The following PCDH15 variants were observed in gnomAD, a reference collection of about 807,000 sequenced individuals.
PCDH15 encodes protocadherin related 15.
In PCDH15, 129 loss-of-function variants were observed where a neutral mutation model predicts 178.5. The observed-to-expected ratio is 0.72, with a 90% CI of 0.63 to 0.84. The LOEUF (loss-of-function observed/expected upper bound fraction) is 0.84. Among genes scored for constraint, PCDH15 ranks in the 40% least tolerant of loss-of-function variants. The pLI, the probability that PCDH15 is intolerant of heterozygous loss-of-function variation, is 0.00. For missense variants in PCDH15, 2,230 were observed against 2,099.9 expected, an observed-to-expected ratio of 1.06 and a Z score of -1.21; for synonymous variants, 800 against 732.0, an observed-to-expected ratio of 1.09 and a Z score of -1.50.
At chr10:55,455,788 G>A (rs1048592020) in intron 2 of PCDH15, among the ~76,000 whole-genome samples, 2 of 152,028 alleles carry the variant, frequency 1.3e-5, no homozygotes, top group East Asian at 3.9e-4. Context: ...TATGTTTATA[G>A]ACAAGGCACC....
intron 2 of PCDH15, among the ~76,000 whole-genome samples, chr10:55,352,233 T>C (rs1272323740): frequency 6.6e-6 from 1 of 152,214 alleles, no homozygotes; most frequent in Non-Finnish European, 1.5e-5. Flanking sequence ...TTTTTGCTAA[T>C]GGCTTATTAC....
At chr10:54,831,589 T>A (rs781048968) in intron 3 of PCDH15, among the ~76,000 whole-genome samples, 1 of 152,108 alleles carries the variant, frequency 6.6e-6, no homozygotes, top group African/African-American at 2.4e-5. Flanking sequence ...GGAAATACAA[T>A]GACTAGTTAA....
Position 53,822,938 on chromosome 10 carries a change from A to C in PCDH15, c.4368-2708T>G, listed in dbSNP as rs200659780. 2.2e-5 allele frequency: 36 copies of C among 1,614,018 alleles called. No individual in the cohort carries two copies. In the African/African-American group the frequency reaches 4.0e-4, roughly 18 times the overall value. On this transcript the variant is annotated intron_variant, in intron 32 of 37. Transcript: ENST00000644397. ...GCCTGGTGCCTTGCCACTGCTGCAG[A>C]TCTATGATCTCTGGTCTATTTGGAA...
At position 53,822,106 on chromosome 10, in the gene PCDH15, C is replaced by T. The variant is rs751570688; in HGVS notation, c.4368-1876G>A. ...ATGCCTTTTGGTTCTCTCTGAGGGT[C>T]TGTTTTACACACTGTCGTTGTTGAT... On this transcript the variant is annotated intron_variant, in intron 32 of 37. Transcript: ENST00000644397. 6.8e-6 allele frequency: 11 copies of T among 1,613,662 alleles called. No homozygotes were observed. In the Admixed American group the frequency reaches 1.2e-4, roughly 17 times the overall value.
Position 55,095,063 on chromosome 10 carries a change from A to G in PCDH15, c.-80+71513T>C, listed in dbSNP as rs141314492. On this transcript the variant is annotated intron_variant, in intron 2 of 5. Coordinates refer to the PCDH15 transcript ENST00000458638. Reference sequence around the variant, plus strand: ...CAGTCTTCCAAGTAGCGGGACCACAAGTGTATGCCACCACGCCTGGCTAAT... The same window carrying G: ...CAGTCTTCCAAGTAGCGGGACCACAGGTGTATGCCACCACGCCTGGCTAAT... Among the ~76,000 whole-genome samples, 704 of 151,846 alleles carry G rather than the reference A, an allele frequency of 4.6e-3. 8 individuals are homozygous for G. The highest frequency in any genetic ancestry group is 0.016 in the African/African-American group (660 of 41,428).
At position 53,825,153 on chromosome 10, in the gene PCDH15, C is replaced by A. The variant is rs761428851; in HGVS notation, c.4367+2240G>T. 3 of 1,537,220 alleles carry A rather than the reference C, an allele frequency of 2.0e-6. No individual in the cohort carries two copies. The East Asian group carries it at 7.2e-5, about 37-fold the overall frequency. ...TTACTTACTTATGCCTATGTATCCA[C>A]AGGTGAGAAACAGAAAACATGTGAT... On this transcript the variant is annotated intron_variant, in intron 32 of 37. Transcript: ENST00000644397.
intron 2 of PCDH15, among the ~76,000 whole-genome samples, chr10:54,902,242 C>G (rs758128050): frequency 2.0e-5 from 3 of 152,114 alleles, no homozygotes; most frequent in Non-Finnish European, 2.9e-5. Context: ...TGTGGATGCA[C>G]GTGTCACTAT....
At chr10:55,323,199 G>A (rs773609495), upstream of PCDH15, among the ~76,000 whole-genome samples, 19 of 152,204 alleles carry the variant, frequency 1.2e-4, no homozygotes, top group Admixed American at 2.0e-4. Context: ...TTCAGAGGAC[G>A]TACGGAAATG....
At chr10:54,301,752 A>G (rs1211035551) in intron 8 of PCDH15, among the ~76,000 whole-genome samples, 1 of 152,218 alleles carries the variant, frequency 6.6e-6, no homozygotes, top group Non-Finnish European at 1.5e-5. Flanking sequence ...AATTTTCACT[A>G]GCCAGCAACA....
chr10:55,217,427 G>T (rs183786784), intron 1 of PCDH15, among the ~76,000 whole-genome samples: 1 of 151,688 alleles, frequency 6.6e-6, no homozygotes, highest in Non-Finnish European at 1.5e-5. Context: ...AAAAACCTTC[G>T]TATTTTTATG....
intron 2 of PCDH15, among the ~76,000 whole-genome samples, chr10:55,520,157 ATG>A (rs1841128749): frequency 1.0e-5 from 1 of 96,524 alleles, no homozygotes; most frequent in African/African-American, 4.0e-5. Flanking sequence ...TATACACGCA[ATG>A]TGTATATATA....
intron 14 of PCDH15, among the ~76,000 whole-genome samples, chr10:54,145,555 T>C (rs763369144): frequency 2.6e-5 from 4 of 152,064 alleles, no homozygotes; most frequent in African/African-American, 7.2e-5. Context: ...AAAACCAATA[T>C]AGGAGGACAG....
At chr10:54,120,653 A>G (rs1269467228) in intron 15 of PCDH15, among the ~76,000 whole-genome samples, 1 of 152,208 alleles carries the variant, frequency 6.6e-6, no homozygotes, top group Admixed American at 6.5e-5. Flanking sequence ...CAGATAAAAC[A>G]GAGATTAAAC....
At chr10:54,649,571 A>C (rs1427013207) in intron 2 of PCDH15, among the ~76,000 whole-genome samples, 1 of 152,168 alleles carries the variant, frequency 6.6e-6, no homozygotes, top group African/African-American at 2.4e-5. Context: ...AACAATATAT[A>C]TGTAATCTAT....
At chr10:54,680,399 T>G (rs1015095172) in intron 1 of PCDH15, among the ~76,000 whole-genome samples, 4 of 152,190 alleles carry the variant, frequency 2.6e-5, no homozygotes, top group African/African-American at 7.2e-5. Flanking sequence ...TCAGGCATAT[T>G]TTTAAGACTC....
At chr10:54,164,294 ATCTC>A (rs764465670) in intron 13 of PCDH15, among the ~76,000 whole-genome samples, 1 of 152,200 alleles carries the variant, frequency 6.6e-6, no homozygotes, top group Non-Finnish European at 1.5e-5. Context: ...TAAATATTTC[ATCTC>A]TCTGCCTCAG....
chr10:53,929,487 A>C (rs1281606032), intron 25 of PCDH15, among the ~76,000 whole-genome samples: 1 of 152,168 alleles, frequency 6.6e-6, no homozygotes, highest in Non-Finnish European at 1.5e-5. Context: ...TGTACTATAA[A>C]TATAAGGCTA....
intron 26 of PCDH15, among the ~76,000 whole-genome samples, chr10:53,893,396 T>A (rs2081719270): frequency 1.3e-5 from 2 of 152,224 alleles, no homozygotes; most frequent in African/African-American, 2.4e-5. Context: ...GAAATGATCA[T>A]TCATGCAACA....
intron 2 of PCDH15, chr10:54,605,697 A>G (rs2092713100): frequency 6.6e-6 from 1 of 152,132 alleles, no homozygotes; most frequent in Admixed American, 6.6e-5. Context: ...CTCAGGGAAA[A>G]GCTGGGTGTA....
Sources: gnomAD v4.1 joint callset for allele counts (sites outside exome capture counted in the v4.1 genomes callset) on GRCh38, gnomAD v4.1.1 for gene constraint, MANE v1.5 for transcripts, NCBI Gene and HGNC (gene_info 2026-07-23, HGNC 2026-07-21) for gene names.